Variants in MGST1 observed in about 807,000 individuals in gnomAD.
The protein encoded by MGST1 is microsomal glutathione S-transferase 1.
A neutral mutation model predicts 8.9 loss-of-function variants in MGST1; 5 were observed. That is an observed-to-expected ratio of 0.56 (90% confidence interval 0.29 to 1.19). The LOEUF is 1.19. Among genes scored for constraint, MGST1 ranks in the 50% most tolerant of loss-of-function variants. The pLI is 0.08. For synonymous variants in MGST1, 54 were observed against 67.8 expected (o/e 0.80, Z 1.00); for missense variants, 182 against 187.4 (o/e 0.97, Z 0.17).
intron 4 of MGST1, among the ~76,000 whole-genome samples, chr12:16,572,474 C>A (rs1194849098): frequency 6.7e-6 from 1 of 148,638 alleles, no homozygotes; most frequent in African/African-American, 2.5e-5. Flanking sequence ...ATTGGGTCAC[C>A]TTTAGGACTT....
intron 4 of MGST1, among the ~76,000 whole-genome samples, chr12:16,496,121 G>A (rs752474108): frequency 5.9e-4 from 90 of 151,996 alleles, no homozygotes; most frequent in African/African-American, 1.5e-3. Flanking sequence ...ATATACTCAC[G>A]TCCAGCCCAG....
At chr12:16,391,984 C>T (rs1283047712) in intron 1 of MGST1, among the ~76,000 whole-genome samples, 1 of 152,172 alleles carries the variant, frequency 6.6e-6, no homozygotes, top group Non-Finnish European at 1.5e-5. Flanking sequence ...ATCTTAGCCC[C>T]ATTTACCAAA....
chr12:16,393,613 T>C (rs764394031), intron 1 of MGST1, among the ~76,000 whole-genome samples: 3 of 152,234 alleles, frequency 2.0e-5, no homozygotes, highest in Non-Finnish European at 4.4e-5. Context: ...GTTATAAACC[T>C]TTGATGCCCT....
rs1363864192 is a variant in MGST1, at chr12:16,555,779, G to C, written n.483-33749G>C. 6.6e-6 allele frequency among the ~76,000 whole-genome samples: 1 copy of C among 152,012 alleles called. No individual in the cohort carries two copies. Among genetic ancestry groups the C allele is most frequent in the African/African-American group, 2.4e-5 (1 of 41,384 alleles). On this transcript the variant is annotated intron_variant and non_coding_transcript_variant, in intron 4 of 4. Transcript: ENST00000538857. The surrounding 1 kb of genome is among the most constrained non-coding windows in gnomAD (Gnocchi z 5.5). ...CTTTCACATCTGCATGCCTTTGCAC[G>C]TTGCTCAATTTGCCTGAAAATTCCT...
chr12:16,489,198 G>A (rs1941420975), intron 4 of MGST1, among the ~76,000 whole-genome samples: 1 of 151,890 alleles, frequency 6.6e-6, no homozygotes, highest in Admixed American at 6.6e-5. Context: ...TGAATGATGA[G>A]GAAACAATTT....
rs113260684 is a variant in MGST1, at chr12:16,400,477, A to G, written n.778+16873A>G. The G allele has an allele frequency of 4.8e-4, 383 of 797,762 alleles. No homozygotes were observed. In the African/African-American group the frequency reaches 5.9e-3, roughly 12 times the overall value. 49.4% of individuals were successfully genotyped at this position (797,762 alleles called of 1,614,324 possible). ...ATTACTCCAGTTTAGATTGATCACC[A>G]GTGAGTCTTGTTTTACAATGCCCTC... On this transcript the variant is annotated intron_variant and non_coding_transcript_variant, in intron 1 of 1. Coordinates refer to the MGST1 transcript ENST00000359720.
intron 4 of MGST1, among the ~76,000 whole-genome samples, chr12:16,536,441 GA>G (rs1941757415): frequency 6.6e-6 from 1 of 152,144 alleles, no homozygotes; most frequent in Non-Finnish European, 1.5e-5. Flanking sequence ...GGTTTTGAGA[GA>G]AGTAAAGACA....
At chr12:16,566,737 A>G (rs1307238827) in intron 4 of MGST1, among the ~76,000 whole-genome samples, 2 of 152,186 alleles carry the variant, frequency 1.3e-5, no homozygotes, top group African/African-American at 4.8e-5. Flanking sequence ...AAACAGAAAC[A>G]TAAAAGCCAT....
intron 4 of MGST1, among the ~76,000 whole-genome samples, chr12:16,522,947 A>T (rs1364013879): frequency 1.3e-5 from 2 of 152,088 alleles, no homozygotes; most frequent in Non-Finnish European, 2.9e-5. Flanking sequence ...ATTGTATTAA[A>T]TGTTAGTCAT....
chr12:16,356,894 CAT>C (rs1205116370), intron 2 of MGST1, among the ~76,000 whole-genome samples: 1 of 152,194 alleles, frequency 6.6e-6, no homozygotes. Flanking sequence ...GGCAGGTAAA[CAT>C]ATTACTTTCA....
intron 4 of MGST1, among the ~76,000 whole-genome samples, chr12:16,529,805 A>C (rs1199885410): frequency 6.6e-6 from 1 of 152,104 alleles, no homozygotes; most frequent in Non-Finnish European, 1.5e-5. Flanking sequence ...ATAATTGTAA[A>C]TTCATGCTGA....
intron 4 of MGST1, among the ~76,000 whole-genome samples, chr12:16,495,030 A>T (rs1941461189): frequency 6.6e-6 from 1 of 152,196 alleles, no homozygotes; most frequent in Admixed American, 6.5e-5. Flanking sequence ...CACCAGCTGT[A>T]TGGAGTTAGG....
chr12:16,400,330 A>G (rs1940643437), intron 1 of MGST1: 5 of 803,868 alleles, frequency 6.2e-6, no homozygotes, highest in Non-Finnish European at 9.0e-6. Context: ...ATTATTGTAC[A>G]AAATATCCAG....
Position 16,589,234 on chromosome 12 carries a change from A to G in MGST1, n.483-294A>G, listed in dbSNP as rs903754153. Reference sequence around the variant, plus strand: ...GTGATATTCACAGAAGATTATAACAACAGTAGATGAATGCATCCTAATAGG... The same window carrying G: ...GTGATATTCACAGAAGATTATAACAGCAGTAGATGAATGCATCCTAATAGG... On this transcript the variant is annotated intron_variant and non_coding_transcript_variant, in intron 4 of 4. Transcript: ENST00000538857. The surrounding 1 kb of genome is among the most constrained non-coding windows in gnomAD (Gnocchi z 4.2). Among the ~76,000 whole-genome samples, 5 of 152,148 alleles carry G rather than the reference A, an allele frequency of 3.3e-5. No individual in the cohort carries two copies. The highest frequency in any genetic ancestry group is 1.2e-4 in the African/African-American group (5 of 41,454).
intron 4 of MGST1, among the ~76,000 whole-genome samples, chr12:16,450,354 C>G (rs1941118917): frequency 6.6e-6 from 1 of 151,904 alleles, no homozygotes; most frequent in Non-Finnish European, 1.5e-5. Context: ...TTCATTTCTC[C>G]TTCAAGAGGA....
intron 4 of MGST1, among the ~76,000 whole-genome samples, chr12:16,528,512 G>A (rs1485370409): frequency 2.0e-5 from 3 of 151,894 alleles, no homozygotes; most frequent in Non-Finnish European, 4.4e-5. Flanking sequence ...CATATATCTA[G>A]GCAGTCAGAT....
At chr12:16,494,492 A>G (rs925150429) in intron 4 of MGST1, among the ~76,000 whole-genome samples, 2 of 152,220 alleles carry the variant, frequency 1.3e-5, no homozygotes, top group Non-Finnish European at 2.9e-5. Flanking sequence ...TGGACTAACA[A>G]ACAGAAATAT....
chr12:16,411,252 C>A (rs1940740800), intron 1 of MGST1, among the ~76,000 whole-genome samples: 1 of 152,044 alleles, frequency 6.6e-6, no homozygotes, highest in African/African-American at 2.4e-5. Flanking sequence ...TACAGCTAGT[C>A]CTTAACATCT....
intron 4 of MGST1, among the ~76,000 whole-genome samples, chr12:16,479,358 C>T (rs1350130578): frequency 4.7e-5 from 7 of 150,444 alleles, no homozygotes; most frequent in Admixed American, 1.3e-4. Context: ...CCTCAGCCTC[C>T]CGAGTAGCTG....
Sources: gnomAD v4.1 joint callset for allele counts (sites outside exome capture counted in the v4.1 genomes callset) on GRCh38, gnomAD v4.1.1 for gene constraint, Gnocchi (gnomAD v3.1) non-coding constraint, MANE v1.5 for transcripts, NCBI Gene and HGNC (gene_info 2026-07-23, HGNC 2026-07-21) for gene names.